AMPH: variants seen among roughly 807,000 people sequenced by gnomAD.
AMPH encodes the protein amphiphysin (Stiff-Mann syndrome with breast cancer 128kD autoantigen).
AMPH carries 49 observed loss-of-function variants against 99.1 expected under a neutral mutation model. That is an observed-to-expected ratio of 0.49 (90% CI 0.39 to 0.63). The LOEUF (loss-of-function observed/expected upper bound fraction) is 0.63. AMPH is among the 20% of genes least tolerant of loss of function. The pLI, the probability that AMPH is intolerant of heterozygous loss-of-function variation, is 0.00. For missense variants in AMPH, 759 were observed against 863.4 expected (o/e 0.88, Z 1.52); for synonymous variants, 314 against 317.3 (o/e 0.99, Z 0.11).
At chr7:38,484,130 A>G (rs999222609) in intron 5 of AMPH, among the ~76,000 whole-genome samples, 4 of 152,140 alleles carry the variant, frequency 2.6e-5, no homozygotes, top group Non-Finnish European at 4.4e-5. Context: ...ATGGGACACC[A>G]TTACATAAAC....
intron 2 of AMPH, among the ~76,000 whole-genome samples, chr7:38,525,263 T>TAC (rs1491028261): frequency 3.1e-5 from 2 of 63,926 alleles, no homozygotes; most frequent in East Asian, 6.1e-4. Context: ...TGTGTGTATA[T>TAC]ATATATATAT....
chr7:38,529,329 A>T (rs1373839777), intron 2 of AMPH, among the ~76,000 whole-genome samples: 4 of 152,252 alleles, frequency 2.6e-5, no homozygotes, highest in Non-Finnish European at 5.9e-5. Context: ...AAGCACTTGT[A>T]AAAACTTGCA....
chr7:38,627,120 A>T (rs1316920423), intron 1 of AMPH, among the ~76,000 whole-genome samples: 1 of 152,040 alleles, frequency 6.6e-6, no homozygotes, highest in Non-Finnish European at 1.5e-5. Flanking sequence ...GCACTGGCTC[A>T]TGACTCAGGC....
At chr7:38,573,377 ATG>A in intron 1 of AMPH, among the ~76,000 whole-genome samples, 2 of 44,098 alleles carry the variant, frequency 4.5e-5, no homozygotes, top group East Asian at 1.3e-3. Context: ...ACATACATGT[ATG>A]TATACACATA....
At chr7:38,541,854 G>C (rs757238189) in intron 1 of AMPH, among the ~76,000 whole-genome samples, 21 of 152,180 alleles carry the variant, frequency 1.4e-4, no homozygotes, top group Admixed American at 2.6e-4. Flanking sequence ...GAAAACTAGG[G>C]AAAAAAGAAA....
Position 38,429,520 on chromosome 7 carries a change from T to G in AMPH, c.1182+322A>C, listed in dbSNP as rs150600251. Reference sequence around the variant, plus strand: ...CTTTGAATTTCTTCGGCCAACCCACTGTCTGGAGTTTCCTCCATGATCAGG... The same window carrying G: ...CTTTGAATTTCTTCGGCCAACCCACGGTCTGGAGTTTCCTCCATGATCAGG... On this transcript the variant is annotated intron_variant, in intron 14 of 20. Coordinates refer to ENST00000356264, the MANE Select transcript of AMPH (RefSeq NM_001635.4). 24 of 1,380,506 alleles carry G rather than the reference T, an allele frequency of 1.7e-5. 3 individuals are homozygous for G. The African/African-American group carries it at 2.6e-4, about 15-fold the overall frequency. The allele number at this position is 1,380,506 out of a possible 1,614,324, so 85.5% of individuals were successfully genotyped here.
At chr7:38,513,636 A>C (rs1789626664) in intron 2 of AMPH, among the ~76,000 whole-genome samples, 1 of 152,196 alleles carries the variant, frequency 6.6e-6, no homozygotes, top group Non-Finnish European at 1.5e-5. Context: ...GCTTGACCAA[A>C]ACAGAAATTT....
chr7:38,595,319 G>A (rs1793012864), intron 1 of AMPH, among the ~76,000 whole-genome samples: 1 of 152,196 alleles, frequency 6.6e-6, no homozygotes, highest in Non-Finnish European at 1.5e-5. Context: ...TGTACAGGTG[G>A]GAGGTGCTGG....
chr7:38,491,095 G>T lies in AMPH; in HGVS notation c.351C>A (p.Ser117=), dbSNP rs973125353. 2.0e-5 allele frequency: 32 copies of T among 1,612,932 alleles called. No individual in the cohort carries two copies. In the East Asian group the frequency reaches 6.9e-4, roughly 35 times the overall value. ...EDFHQKLVDG[S]LLTLDTYLGQ... is the part of the protein sequence containing the mutation. ...CCAGGTAGGTATCCAGTGTTAGCAA[G>T]GACCCATCCACGAGTTTTTGATGGA... is the stretch of plus-strand genomic sequence containing the variant. Residue 117 remains serine (S), a synonymous_variant, in exon 5 of 21, where the codon TCC becomes TCA. Coordinates refer to ENST00000356264, the MANE Select transcript of AMPH (RefSeq NM_001635.4).
At chr7:38,492,939 T>C (rs566956592) in intron 4 of AMPH, among the ~76,000 whole-genome samples, 1 of 152,332 alleles carries the variant, frequency 6.6e-6, no homozygotes, top group African/African-American at 2.4e-5. Context: ...TGTGTTTTAA[T>C]TGAAGAAATG....
rs1193064116 is a variant in AMPH, at chr7:38,441,791, ATATAT to A, written c.1018-5408_1018-5404del. ...ATATGATATATATCATATATCTGTC[ATATAT>A]ATCATATATATATCATATATATCAT... On this transcript the variant is annotated intron_variant, in intron 11 of 20. Transcript: ENST00000356264. Among the ~76,000 whole-genome samples, 44 of 65,140 alleles carry A rather than the reference ATATAT, an allele frequency of 6.8e-4. 2 individuals carry two copies. Among genetic ancestry groups the A allele is most frequent in the African/African-American group, 1.8e-3 (39 of 21,856 alleles). 42.7% of individuals were successfully genotyped at this position (65,140 alleles called of 152,430 possible).
chr7:38,582,265 G>A (rs1792494988), intron 1 of AMPH, among the ~76,000 whole-genome samples: 1 of 152,202 alleles, frequency 6.6e-6, no homozygotes, highest in African/African-American at 2.4e-5. Flanking sequence ...ATAATTCTAA[G>A]AGATGGAGAA....
At chr7:38,586,330 T>G (rs1792646301) in intron 1 of AMPH, among the ~76,000 whole-genome samples, 1 of 152,200 alleles carries the variant, frequency 6.6e-6, no homozygotes, top group African/African-American at 2.4e-5. Context: ...AAGGGCATTC[T>G]CTGAGCAAAA....
chr7:38,454,916 C>T (rs992470205), intron 11 of AMPH, among the ~76,000 whole-genome samples: 3 of 151,870 alleles, frequency 2.0e-5, no homozygotes, highest in African/African-American at 7.3e-5. Context: ...TGAAAATATG[C>T]TCAATAAAAT....
intron 1 of AMPH, among the ~76,000 whole-genome samples, chr7:38,617,582 G>A (rs1188653139): frequency 1.3e-5 from 2 of 152,162 alleles, no homozygotes; most frequent in African/African-American, 4.8e-5. Flanking sequence ...ACCAAACCAA[G>A]AATAAACCAT....
At chr7:38,556,955 G>C (rs1055629146) in intron 1 of AMPH, among the ~76,000 whole-genome samples, 4 of 152,154 alleles carry the variant, frequency 2.6e-5, no homozygotes, top group Admixed American at 1.3e-4. Context: ...GAATGAAAGA[G>C]AGGCAAGAAA....
At chr7:38,417,110 C>T (rs574379109) in intron 17 of AMPH, among the ~76,000 whole-genome samples, 2 of 152,268 alleles carry the variant, frequency 1.3e-5, no homozygotes, top group East Asian at 1.9e-4. Flanking sequence ...TGACTTTTCA[C>T]TCGCCATGGG....
chr7:38,447,016 AT>A (rs35968358), intron 11 of AMPH, among the ~76,000 whole-genome samples: 7,129 of 147,708 alleles, frequency 0.048, 178 homozygotes, highest in South Asian at 0.11. Context: ...TTTGGTTACT[AT>A]TTTTTTTTTT....
rs1163442302 is a variant in AMPH, at chr7:38,421,064, C to T, written c.1272+1357G>A. 4 of 456,450 alleles carry T rather than the reference C, an allele frequency of 8.8e-6. No individual in the cohort carries two copies. In the Admixed American group the frequency reaches 9.4e-5, roughly 11 times the overall value. 28.3% of individuals were successfully genotyped at this position (456,450 alleles called of 1,614,324 possible). ...GGTTAGCAGCATTTGCAATGCTGAA[C>T]ATGACAAAGCTAAGTTCCCCATGGA... On this transcript the variant is annotated intron_variant, in intron 16 of 20. Transcript: ENST00000356264.
Sources: gnomAD v4.1 joint callset for allele counts (sites outside exome capture counted in the v4.1 genomes callset) on GRCh38, gnomAD v4.1.1 for gene constraint, MANE v1.5 for transcripts, NCBI Gene and HGNC (gene_info 2026-07-23, HGNC 2026-07-21) for gene names.